Variants in TMEM163 observed in about 807,000 individuals in gnomAD.
The protein encoded by TMEM163 is transmembrane protein 163.
TMEM163 carries 17 observed loss-of-function variants against 29.3 expected under a neutral mutation model. The ratio of observed to expected loss-of-function variants is 0.58; its 90% CI spans 0.40 to 0.87. The LOEUF (loss-of-function observed/expected upper bound fraction) is 0.87. Among genes scored for constraint, TMEM163 ranks in the 40% least tolerant of loss-of-function variants. The probability of loss-of-function intolerance (pLI) is 0.00; values close to 1 mark genes in which losing one functional copy is unlikely to be tolerated. For synonymous variants in TMEM163, 157 were observed against 160.6 expected, an observed-to-expected ratio of 0.98 and a Z score of 0.17; for missense variants, 303 against 381.5, an observed-to-expected ratio of 0.79 and a Z score of 1.71.
intron 4 of TMEM163, among the ~76,000 whole-genome samples, chr2:134,525,923 G>C (rs575906064): frequency 1.3e-5 from 2 of 152,196 alleles, no homozygotes; most frequent in African/African-American, 4.8e-5. Flanking sequence ...CAAGGAGAAC[G>C]GTTTGCAAAT....
intron 2 of TMEM163, among the ~76,000 whole-genome samples, chr2:134,592,311 A>G (rs1351349028): frequency 6.6e-6 from 1 of 152,172 alleles, no homozygotes; most frequent in African/African-American, 2.4e-5. Flanking sequence ...TCTCTCCTAG[A>G]TCCATGAAAA....
At chr2:134,559,874 G>A (rs535145235) in intron 2 of TMEM163, among the ~76,000 whole-genome samples, 8 of 152,280 alleles carry the variant, frequency 5.3e-5, no homozygotes, top group Non-Finnish European at 1.2e-4. Flanking sequence ...AGCAGCGACT[G>A]TCATTCATCC....
intron 2 of TMEM163, among the ~76,000 whole-genome samples, chr2:134,623,166 G>A (rs1682778126): frequency 6.6e-6 from 1 of 152,040 alleles, no homozygotes. Flanking sequence ...GGTTTCTGAT[G>A]GTGGTGAAAA....
At chr2:134,632,220 G>A (rs57891321) in intron 2 of TMEM163, among the ~76,000 whole-genome samples, 12,917 of 152,166 alleles carry the variant, frequency 0.085, 617 homozygotes, top group South Asian at 0.17. Flanking sequence ...TGGGACTCAC[G>A]GAACACAGAG....
chr2:134,524,341 G>GCC (rs1680248036), intron 4 of TMEM163, among the ~76,000 whole-genome samples: 1 of 134,214 alleles, frequency 7.5e-6, no homozygotes, highest in African/African-American at 2.7e-5. Context: ...TTTTAATATC[G>GCC]ATAACATTTA....
chr2:134,459,311 G>A (rs112931927), intron 6 of TMEM163: 9 of 152,594 alleles, frequency 5.9e-5, no homozygotes, highest in African/African-American at 1.9e-4. Context: ...GGACTGGCCT[G>A]GACCCTACAA....
Position 134,463,330 on chromosome 2 carries a change from C to T in TMEM163, c.667+2784G>A, listed in dbSNP as rs116179533. 1.8e-3 allele frequency among the ~76,000 whole-genome samples: 273 copies of T among 152,334 alleles called. 3 individuals are homozygous for T. The highest frequency in any genetic ancestry group is 6.4e-3 in the African/African-American group (267 of 41,576). On this transcript the variant is annotated intron_variant, in intron 6 of 7. Transcript: ENST00000281924. ...GCACAGAACCCACCTGGTGTCCTGG[C>T]TACACTCATCCCTAAGGAAAGAAGG...
rs1021027513 is a variant in TMEM163, at chr2:134,605,151, T to G, written c.323-53060A>C. 1.3e-5 allele frequency among the ~76,000 whole-genome samples: 2 copies of G among 148,494 alleles called. 1 individual carries two copies. The highest frequency in any genetic ancestry group is 5.0e-5 in the African/African-American group (2 of 39,992). ...GGGATCGCACCACTGCACTCCAGCC[T>G]AGGCGACAGAGTGAGACTTGGTCTC... On this transcript the variant is annotated intron_variant, in intron 2 of 7. Transcript: ENST00000281924.
intron 1 of TMEM163, among the ~76,000 whole-genome samples, chr2:134,717,119 C>T (rs1022419421): frequency 8.5e-5 from 13 of 152,214 alleles, no homozygotes; most frequent in African/African-American, 3.1e-4. Flanking sequence ...AATATGAACT[C>T]ACCCTAGCAC....
chr2:134,575,137 T>C (rs1440996153), intron 2 of TMEM163, among the ~76,000 whole-genome samples: 2 of 152,008 alleles, frequency 1.3e-5, no homozygotes, highest in Non-Finnish European at 2.9e-5. Context: ...TTCTTGGCGC[T>C]GTAGGGTTCT....
At chr2:134,629,733 T>C (rs1453893863) in intron 2 of TMEM163, among the ~76,000 whole-genome samples, 1 of 152,230 alleles carries the variant, frequency 6.6e-6, no homozygotes, top group African/African-American at 2.4e-5. Flanking sequence ...ATTCCATTGG[T>C]GTGTTAATTG....
intron 4 of TMEM163, among the ~76,000 whole-genome samples, chr2:134,510,192 G>A (rs1364263024): frequency 6.6e-6 from 1 of 152,112 alleles, no homozygotes; most frequent in African/African-American, 2.4e-5. Context: ...AGAAAAAAAA[G>A]ACCATCGCTC....
chr2:134,695,055 A>G (rs1297113492), intron 2 of TMEM163, among the ~76,000 whole-genome samples: 1 of 152,220 alleles, frequency 6.6e-6, no homozygotes, highest in Non-Finnish European at 1.5e-5. Flanking sequence ...ATACTTTTAG[A>G]GAACTAAATG....
chr2:134,568,630 AAG>A (rs2104783022), intron 2 of TMEM163, among the ~76,000 whole-genome samples: 1 of 151,804 alleles, frequency 6.6e-6, no homozygotes, highest in East Asian at 1.9e-4. Flanking sequence ...AGAAAAAAGA[AAG>A]AAGAAAAAGA....
At chr2:134,681,509 A>C (rs1574335259) in intron 2 of TMEM163, among the ~76,000 whole-genome samples, 1 of 147,414 alleles carries the variant, frequency 6.8e-6, no homozygotes, top group Non-Finnish European at 1.5e-5. Context: ...CTTTCTCTCT[A>C]CCCCCCACTC....
intron 5 of TMEM163, among the ~76,000 whole-genome samples, chr2:134,495,521 G>A (rs542944084): frequency 1.3e-5 from 2 of 152,326 alleles, no homozygotes; most frequent in South Asian, 2.1e-4. Context: ...ACTGAACATG[G>A]TGCATACACA....
At chr2:134,578,966 T>C (rs1212238892) in intron 2 of TMEM163, among the ~76,000 whole-genome samples, 1 of 152,172 alleles carries the variant, frequency 6.6e-6, no homozygotes, top group African/African-American at 2.4e-5. Flanking sequence ...AGTATTTGAA[T>C]GGAGAGAGCG....
intron 4 of TMEM163, among the ~76,000 whole-genome samples, chr2:134,537,839 T>C (rs1456949854): frequency 6.6e-6 from 1 of 152,150 alleles, no homozygotes; most frequent in African/African-American, 2.4e-5. Context: ...TCCTGGAAGT[T>C]TCCTCCAGAA....
intron 2 of TMEM163, among the ~76,000 whole-genome samples, chr2:134,670,698 C>G (rs1468426307): frequency 1.3e-5 from 2 of 152,204 alleles, no homozygotes; most frequent in Non-Finnish European, 2.9e-5. Flanking sequence ...GAAGGCATGT[C>G]ATGGGACCCC....
Sources: gnomAD v4.1 joint callset for allele counts (sites outside exome capture counted in the v4.1 genomes callset) on GRCh38, gnomAD v4.1.1 for gene constraint, MANE v1.5 for transcripts, NCBI Gene and HGNC (gene_info 2026-07-23, HGNC 2026-07-21) for gene names.